TEX26: variants seen among roughly 807,000 people sequenced by gnomAD.
TEX26 encodes testis-expressed protein 26.
Under a neutral mutation model 35.3 loss-of-function variants are expected in TEX26, and 34 were observed. The ratio of observed to expected loss-of-function variants is 0.96; its 90% CI spans 0.73 to 1.28. The LOEUF (loss-of-function observed/expected upper bound fraction) is 1.28. Ranked by LOEUF, TEX26 falls within the 50% of genes most tolerant of loss-of-function variation. TEX26 has a pLI of 0.00. For synonymous variants in TEX26, 136 were observed against 111.8 expected (o/e 1.22, Z -1.36); for missense variants, 371 against 330.1 (o/e 1.12, Z -0.96).
intron 6 of TEX26, among the ~76,000 whole-genome samples, chr13:30,969,852 A>G (rs1480788195): frequency 6.9e-6 from 1 of 145,010 alleles, no homozygotes; most frequent in East Asian, 1.9e-4. Context: ...AAAAATATCA[A>G]TAAAAGTCTA....
intron 3 of TEX26, among the ~76,000 whole-genome samples, chr13:30,953,671 A>T (rs1307111464): frequency 6.6e-6 from 1 of 151,960 alleles, no homozygotes; most frequent in East Asian, 1.9e-4. Context: ...CATGAAGGGA[A>T]CTCCTATATT....
chr13:30,955,079 G>T (rs532001743), intron 3 of TEX26, among the ~76,000 whole-genome samples: 3 of 150,390 alleles, frequency 2.0e-5, no homozygotes, highest in Non-Finnish European at 4.4e-5. Context: ...TTATTCAGGG[G>T]TGTCTAATCT....
At chr13:30,965,937 A>G (rs1435385494) in intron 4 of TEX26, among the ~76,000 whole-genome samples, 2 of 152,094 alleles carry the variant, frequency 1.3e-5, no homozygotes, top group Non-Finnish European at 2.9e-5. Flanking sequence ...CCTATCCAAA[A>G]TCTCTCTGAC....
chr13:30,956,700 T>C (rs1255547920), intron 3 of TEX26, among the ~76,000 whole-genome samples, 173 bp from the exon 4 acceptor site: 1 of 152,220 alleles, frequency 6.6e-6, no homozygotes, highest in African/African-American at 2.4e-5. Context: ...AGAGCCCGCG[T>C]TTCGACTGGG....
At chr13:30,943,143 A>G (rs1953575961) in intron 2 of TEX26, among the ~76,000 whole-genome samples, 1 of 152,020 alleles carries the variant, frequency 6.6e-6, no homozygotes, top group African/African-American at 2.4e-5. Flanking sequence ...GGATGTTTCC[A>G]TTTGTTAGTG....
chr13:30,966,995 G>A (rs1459991226), intron 5 of TEX26, among the ~76,000 whole-genome samples: 1 of 152,166 alleles, frequency 6.6e-6, no homozygotes, highest in African/African-American at 2.4e-5. Context: ...GTTGGGATTA[G>A]GGGATGCTTC....
chr13:30,974,143 T>A (rs890862566), intron 6 of TEX26, among the ~76,000 whole-genome samples: 8 of 137,274 alleles, frequency 5.8e-5, no homozygotes, highest in African/African-American at 1.9e-4. Context: ...TATATATATA[T>A]ATATATATAT....
At chr13:30,962,014 T>A (rs1954362926) in intron 4 of TEX26, among the ~76,000 whole-genome samples, 1 of 152,136 alleles carries the variant, frequency 6.6e-6, no homozygotes, top group Non-Finnish European at 1.5e-5. Flanking sequence ...GGGTGCTGAG[T>A]GAAAGCCTCA....
intron 2 of TEX26, among the ~76,000 whole-genome samples, chr13:30,945,809 G>C (rs890303770): frequency 1.3e-5 from 2 of 151,928 alleles, no homozygotes; most frequent in Admixed American, 1.3e-4. Flanking sequence ...AAAGTCTGCT[G>C]TTAGTCTGAT....
In TEX26 at chr13:30,932,665, A is replaced by C; in HGVS notation, c.-51A>C. 1 of 1,593,020 alleles carries C rather than the reference A, an allele frequency of 6.3e-7. No homozygotes were observed. Among genetic ancestry groups the C allele is most frequent in the Non-Finnish European group, 8.6e-7 (1 of 1,169,112 alleles). ...TCACAAAGCAGCCCGCGGCTCCCGCAAGCGCTGAGATAGCTGGAGCCAGGG... is the reference window on the plus strand; with the variant it reads ...TCACAAAGCAGCCCGCGGCTCCCGCCAGCGCTGAGATAGCTGGAGCCAGGG... On this transcript the variant is annotated 5_prime_UTR_variant, in exon 1 of 7. Transcript: ENST00000380473.
chr13:30,934,001 G>C (rs1199216254), intron 1 of TEX26, among the ~76,000 whole-genome samples: 1 of 152,190 alleles, frequency 6.6e-6, no homozygotes, highest in Non-Finnish European at 1.5e-5. Flanking sequence ...TTTCAGACCA[G>C]AATATCTAAC....
At chr13:30,950,413 A>G (rs1023066713) in intron 2 of TEX26, among the ~76,000 whole-genome samples, 4 of 152,114 alleles carry the variant, frequency 2.6e-5, no homozygotes, top group Non-Finnish European at 4.4e-5. Context: ...GGTTATATTT[A>G]AAGTAGTCAG....
chr13:30,968,136 A>T (rs1977430), intron 5 of TEX26, among the ~76,000 whole-genome samples: 1 of 152,034 alleles, frequency 6.6e-6, no homozygotes, highest in East Asian at 1.9e-4. Flanking sequence ...AAGGCATATA[A>T]ATTTATTAAC....
At chr13:30,956,527 G>A (rs928719406) in intron 3 of TEX26, among the ~76,000 whole-genome samples, 1 of 152,224 alleles carries the variant, frequency 6.6e-6, no homozygotes, top group Non-Finnish European at 1.5e-5. Flanking sequence ...CAAGGGGAAA[G>A]CAGCTACTGC....
chr13:30,953,645 A>G, intron 3 of TEX26, among the ~76,000 whole-genome samples: 1 of 152,198 alleles, frequency 6.6e-6, no homozygotes, highest in East Asian at 1.9e-4. Context: ...TCTACCTAGA[A>G]TGCCCTTATC....
chr13:30,974,664 C>T lies in TEX26; in HGVS notation c.809-182C>T, dbSNP rs536397432. On this transcript the variant is annotated intron_variant, in intron 6 of 6. Transcript: ENST00000380473. ...GAGTATTAAGTTTACTCTTCTTAAT[C>T]AATAATTACACAACTGTGCCTGTTT... is the stretch of plus-strand genomic sequence containing the variant. The T allele has an allele frequency of 2.4e-3, 1,207 of 503,620 alleles. 5 individuals are homozygous for T. The highest frequency in any genetic ancestry group is 3.1e-3 in the Non-Finnish European group (904 of 291,610). The allele number at this position is 503,620 out of a possible 1,614,324, so 31.2% of individuals were successfully genotyped here.
chr13:30,938,434 G>C (rs745360612), intron 1 of TEX26, among the ~76,000 whole-genome samples: 131 of 152,118 alleles, frequency 8.6e-4, no homozygotes, highest in Non-Finnish European at 1.3e-3. Context: ...ACTGGCATTG[G>C]GTGAGGGCCT....
chr13:30,941,475 G>T (rs114019600), intron 2 of TEX26, among the ~76,000 whole-genome samples: 23 of 152,172 alleles, frequency 1.5e-4, no homozygotes, highest in Non-Finnish European at 3.2e-4. Flanking sequence ...TCTCACAAAA[G>T]TTTCAGTATA....
chr13:30,956,895 C>G lies in TEX26; in HGVS notation c.335C>G (p.Pro112Arg), dbSNP rs369207307. Residue 112 changes from proline (P) to arginine (R), a missense_variant, in exon 4 of 7, where the codon CCT becomes CGT. Pro to Arg is a moderately radical substitution (Grantham distance 103, BLOSUM62 -2). Transcript: ENST00000380473. Reference sequence around the variant, plus strand: ...TAGGACATTTTCCTGTGGACACTACCTCACTGTCAACAAACGGGGACACTA... The same window carrying G: ...TAGGACATTTTCCTGTGGACACTACGTCACTGTCAACAAACGGGGACACTA... The part of the protein sequence containing the change: ...LNEDIFLWTL[P>R]HCQQTGTLKN... The G allele has an allele frequency of 6.2e-7, 1 of 1,613,982 alleles. No individual in the cohort carries two copies. The highest frequency in any genetic ancestry group is 8.5e-7 in the Non-Finnish European group (1 of 1,179,994).
Sources: gnomAD v4.1 joint callset for allele counts (sites outside exome capture counted in the v4.1 genomes callset) on GRCh38, gnomAD v4.1.1 for gene constraint, MANE v1.5 for transcripts, NCBI Gene and HGNC (gene_info 2026-07-23, HGNC 2026-07-21) for gene names.